RHOBTB2: variants seen among roughly 807,000 people sequenced by gnomAD.
RHOBTB2 encodes the protein rho-related BTB domain-containing protein 2.
RHOBTB2 carries 39 observed loss-of-function variants against 66.5 expected under a neutral mutation model. The observed-to-expected ratio is 0.59, with a 90% CI of 0.45 to 0.77. RHOBTB2 has a LOEUF of 0.77. RHOBTB2 is among the 30% of genes least tolerant of loss of function. The pLI is 0.00. For synonymous variants in RHOBTB2, 390 were observed against 395.0 expected (o/e 0.99, Z 0.15); for missense variants, 755 against 999.1 (o/e 0.76, Z 3.29).
At chr8:22,985,026 C>A (rs1810265090), upstream of RHOBTB2, 1 of 152,082 alleles carries the variant, frequency 6.6e-6, no homozygotes, top group African/African-American at 2.4e-5. Context: ...TTTCCTACCC[C>A]CACCCCTTAG....
chr8:22,997,827 T>C (rs1810617839), upstream of RHOBTB2, among the ~76,000 whole-genome samples: 1 of 152,192 alleles, frequency 6.6e-6, no homozygotes, highest in Non-Finnish European at 1.5e-5. Context: ...GTGGGAATCA[T>C]GCAGAGATCT....
At chr8:22,987,639 C>G (rs976591880) in intron 1 of RHOBTB2, 2 of 152,354 alleles carry the variant, frequency 1.3e-5, no homozygotes, top group Non-Finnish European at 2.9e-5. Context: ...GCTTCTCTAA[C>G]CTATCTTCAC....
upstream of RHOBTB2, among the ~76,000 whole-genome samples, chr8:22,996,557 GTGTGTGTGTGTC>G (rs1382273354): frequency 1.8e-3 from 214 of 117,504 alleles, 2 homozygotes; most frequent in Middle Eastern, 8.6e-3. Context: ...GTGTGTGTGT[GTGTGTGTGTGTC>G]TGTGTGTCTG....
the RHOBTB2 span, among the ~76,000 whole-genome samples, chr8:22,950,820 C>G: frequency 6.6e-6 from 1 of 152,152 alleles, no homozygotes; most frequent in Non-Finnish European, 1.5e-5. Flanking sequence ...GCTGTGTTGT[C>G]TGCTTCTTAC....
At chr8:22,963,116 A>C in the RHOBTB2 span, among the ~76,000 whole-genome samples, 1 of 152,220 alleles carries the variant, frequency 6.6e-6, no homozygotes, top group African/African-American at 2.4e-5. Context: ...AGCATATGGC[A>C]GCAGGAGCCA....
chr8:22,999,719 G>T lies in RHOBTB2; in HGVS notation c.-397G>T. Reference sequence around the variant, plus strand: ...CAGGCGTCTTCGCGGCAGCGCCTTCGCCGCGGGCCCGGGCGCGTAGCGGCG... The same window carrying T: ...CAGGCGTCTTCGCGGCAGCGCCTTCTCCGCGGGCCCGGGCGCGTAGCGGCG... On this transcript the variant is annotated 5_prime_UTR_variant, in exon 1 of 10. Transcript: ENST00000251822. The T allele has an allele frequency of 8.9e-7, 1 of 1,125,826 alleles. No individual in the cohort carries two copies. The highest frequency in any genetic ancestry group is 1.8e-5 in the South Asian group (1 of 56,276). 69.7% of individuals were successfully genotyped at this position (1,125,826 alleles called of 1,614,324 possible).
the RHOBTB2 span, among the ~76,000 whole-genome samples, chr8:22,974,890 T>C: frequency 1.1e-4 from 16 of 152,148 alleles, no homozygotes; most frequent in Non-Finnish European, 2.9e-5. Context: ...GCGCATAAAA[T>C]GACAAGGGAA....
chr8:22,999,546 GC>G, upstream of RHOBTB2: 1 of 1,175,398 alleles, frequency 8.5e-7, no homozygotes, highest in Non-Finnish European at 1.1e-6. Flanking sequence ...GCGGCAGTGG[GC>G]GGGGCCCGTC....
At chr8:22,981,805 G>A in the RHOBTB2 span, among the ~76,000 whole-genome samples, 8 of 152,230 alleles carry the variant, frequency 5.3e-5, no homozygotes, top group Admixed American at 1.3e-4. Context: ...CAAAGTGCCA[G>A]CTTTTCCAGA....
At position 23,005,948 on chromosome 8, in the gene RHOBTB2, T is replaced by C; in HGVS notation, c.297-12T>C. On this transcript the variant is annotated splice_polypyrimidine_tract_variant and intron_variant, in intron 3 of 9. Coordinates refer to ENST00000251822, the MANE Select transcript of RHOBTB2 (RefSeq NM_015178.3). ...TGTTTCTCTGCCCGTAACCTTACTT[T>C]CCCACCCGCAGATCTGATGTGGTGG... is the stretch of plus-strand genomic sequence containing the variant. The C allele has an allele frequency of 6.2e-7, 1 of 1,604,334 alleles. No individual in the cohort carries two copies. The highest frequency in any genetic ancestry group is 8.5e-7 in the Non-Finnish European group (1 of 1,172,100).
intron 1 of RHOBTB2, among the ~76,000 whole-genome samples, chr8:23,002,430 G>A (rs1372725430): frequency 2.6e-5 from 4 of 152,146 alleles, no homozygotes; most frequent in East Asian, 1.9e-4. Flanking sequence ...GGTGGCTCAC[G>A]CCTGTAATCC....
At chr8:22,951,925 T>C in the RHOBTB2 span, among the ~76,000 whole-genome samples, 1 of 152,304 alleles carries the variant, frequency 6.6e-6, no homozygotes, top group Non-Finnish European at 1.5e-5. Context: ...TTTACCATGT[T>C]GGCCAAGTTG....
In RHOBTB2 at chr8:23,007,071, G is replaced by C. The variant is rs551660992; in HGVS notation, c.826G>C (p.Val276Leu). 6.2e-6 allele frequency: 10 copies of C among 1,610,822 alleles called. No homozygotes were observed. In the African/African-American group the frequency reaches 1.3e-4, roughly 21 times the overall value. Residue 276 changes from valine to leucine, a missense_variant, in exon 5 of 10, where the codon GTG (valine) becomes CTG (leucine). Coordinates refer to ENST00000251822, the MANE Select transcript of RHOBTB2 (RefSeq NM_015178.3). ...ADVILVLQER[V>L]RIFAHKIYLS... is the part of the protein sequence containing the mutation. Reference sequence around the variant, plus strand: ...CGTCATCCTGGTGCTGCAGGAGCGGGTGCGCATCTTTGCCCACAAGATCTA... The same window carrying C: ...CGTCATCCTGGTGCTGCAGGAGCGGCTGCGCATCTTTGCCCACAAGATCTA...
chr8:22,957,849 A>C, the RHOBTB2 span, among the ~76,000 whole-genome samples: 1,380 of 152,240 alleles, frequency 9.1e-3, 15 homozygotes, highest in African/African-American at 0.031. Context: ...GCCTCAGTAA[A>C]TTTGTGTAAT....
At chr8:22,966,904 C>G in the RHOBTB2 span, among the ~76,000 whole-genome samples, 2 of 152,158 alleles carry the variant, frequency 1.3e-5, no homozygotes, top group Admixed American at 6.5e-5. Flanking sequence ...CAGAAAATAA[C>G]AAGTGTTTAC....
chr8:23,010,531 T>A lies in RHOBTB2; in HGVS notation c.1621-7T>A. On this transcript the variant is annotated splice_region_variant and splice_polypyrimidine_tract_variant and intron_variant, in intron 6 of 9. Transcript: ENST00000251822. ...CATTGCTGTCCGCTCACTCCTTCCC[T>A]CCCCAGGTGGTGTTTCCCTACACAA... 1 of 1,611,232 alleles carries A rather than the reference T, an allele frequency of 6.2e-7. No homozygotes were observed. Among genetic ancestry groups the A allele is most frequent in the Non-Finnish European group, 8.5e-7 (1 of 1,178,204 alleles).
intron 9 of RHOBTB2, among the ~76,000 whole-genome samples, chr8:23,016,568 T>C (rs1811297391): frequency 6.6e-6 from 1 of 152,044 alleles, no homozygotes; most frequent in African/African-American, 2.4e-5. Context: ...CCCACCACCA[T>C]GCCTGGCTAA....
chr8:22,993,278 G>C lies in RHOBTB2; in HGVS notation c.-24+1098G>C, dbSNP rs375508369. Among the ~76,000 whole-genome samples, 23 of 152,254 alleles carry C rather than the reference G, an allele frequency of 1.5e-4. No individual in the cohort carries two copies. The East Asian group carries it at 4.4e-3, about 29-fold the overall frequency. On this transcript the variant is annotated intron_variant, in intron 2 of 11. Coordinates refer to the RHOBTB2 transcript ENST00000519685. Reference sequence around the variant, plus strand: ...GGGCTCAAGAGATCCTCCCGCCTCAGCCTCCAGAGTAGCTGGGACTACAGG... The same window carrying C: ...GGGCTCAAGAGATCCTCCCGCCTCACCCTCCAGAGTAGCTGGGACTACAGG...
chr8:22,991,486 T>C (rs1011331408), intron 1 of RHOBTB2, among the ~76,000 whole-genome samples: 1 of 152,132 alleles, frequency 6.6e-6, no homozygotes, highest in African/African-American at 2.4e-5. Context: ...GGGTCTTTGA[T>C]GGATGAATGA....
Sources: allele counts gnomAD v4.1 joint callset (sites outside exome capture counted in the v4.1 genomes callset), GRCh38; gene constraint gnomAD v4.1.1; transcripts MANE v1.5; gene names NCBI Gene and HGNC (gene_info 2026-07-23, HGNC 2026-07-21).